The following RNFT2 variants were observed in gnomAD, a reference collection of about 807,000 sequenced individuals.
RNFT2 encodes E3 ubiquitin-protein ligase RNFT2.
A neutral mutation model predicts 53.0 loss-of-function variants in RNFT2; 36 were observed. The ratio of observed to expected loss-of-function variants is 0.68; its 90% CI spans 0.52 to 0.90. The LOEUF is 0.90. RNFT2 is among the 40% of genes least tolerant of loss of function. The pLI is 0.00. For synonymous variants in RNFT2, 260 were observed against 253.2 expected, an observed-to-expected ratio of 1.03 and a Z score of -0.26; for missense variants, 514 against 585.6, an observed-to-expected ratio of 0.88 and a Z score of 1.26.
intron 7 of RNFT2, among the ~76,000 whole-genome samples, chr12:116,814,678 ATTTTT>A (rs774723275): frequency 6.9e-6 from 1 of 145,634 alleles, no homozygotes; most frequent in Admixed American, 6.9e-5. Flanking sequence ...GCCGTATGAT[ATTTTT>A]TTTTTTTTCC....
intron 7 of RNFT2, among the ~76,000 whole-genome samples, chr12:116,814,541 G>C (rs768922492): frequency 1.3e-5 from 2 of 152,130 alleles, no homozygotes; most frequent in Non-Finnish European, 2.9e-5. Context: ...CCCTGAGGTG[G>C]AAACGTGCTT....
chr12:116,843,329 C>CA (rs1177718786), intron 10 of RNFT2, among the ~76,000 whole-genome samples: 2 of 151,674 alleles, frequency 1.3e-5, no homozygotes, highest in East Asian at 1.9e-4. Context: ...CCCAACTCTA[C>CA]AAAAAATACA....
chr12:116,839,091 C>G (rs980353791), intron 10 of RNFT2, among the ~76,000 whole-genome samples: 1 of 152,244 alleles, frequency 6.6e-6, no homozygotes, highest in Non-Finnish European at 1.5e-5. Flanking sequence ...CTTCTCCAGA[C>G]TAGTCACGTC....
chr12:116,797,270 A>G lies in RNFT2; in HGVS notation c.882+17922A>G, dbSNP rs1254910224. The stretch of plus-strand genomic sequence containing the variant: ...TTGGCTATATTTGGAAATAGGGTCT[A>G]TAAAGATGGCCAGGCTCTGTGGGTC... On this transcript the variant is annotated intron_variant, in intron 7 of 10. Transcript: ENST00000257575. Among the ~76,000 whole-genome samples, 3 of 152,178 alleles carry G rather than the reference A, an allele frequency of 2.0e-5. No individual in the cohort carries two copies. In the South Asian group the frequency reaches 6.2e-4, roughly 32 times the overall value.
chr12:116,738,509 A>T (rs559369679), intron 1 of RNFT2, 139 bp downstream of exon 1: 19 of 152,254 alleles, frequency 1.2e-4, no homozygotes, highest in African/African-American at 4.3e-4. Context: ...CCCGAAGTGC[A>T]CCTGCCGGCT....
intron 7 of RNFT2, among the ~76,000 whole-genome samples, chr12:116,797,797 A>G (rs1297880601): frequency 2.6e-5 from 4 of 152,238 alleles, no homozygotes; most frequent in South Asian, 4.1e-4. Context: ...TTTTGCAGCC[A>G]TATTTATACC....
chr12:116,823,449 C>T (rs926369891), intron 7 of RNFT2, among the ~76,000 whole-genome samples: 3 of 152,144 alleles, frequency 2.0e-5, no homozygotes, highest in African/African-American at 4.8e-5. Context: ...TTTAGGAGGC[C>T]GAAGTGTGTG....
chr12:116,842,564 ATTTATTTG>A (rs1592992606), intron 10 of RNFT2, among the ~76,000 whole-genome samples: 1 of 145,508 alleles, frequency 6.9e-6, no homozygotes. Flanking sequence ...TATTTTATTT[ATTTATTTG>A]TTTGTTTGTT....
intron 5 of RNFT2, among the ~76,000 whole-genome samples, chr12:116,763,797 G>C (rs962051665): frequency 2.0e-5 from 3 of 149,706 alleles, no homozygotes; most frequent in South Asian, 2.2e-4. Context: ...AAGGGGGCGG[G>C]GGGGGAAAGA....
chr12:116,827,231 AAAAG>A (rs542749710), intron 7 of RNFT2, among the ~76,000 whole-genome samples: 4,388 of 147,562 alleles, frequency 0.03, 66 homozygotes, highest in Non-Finnish European at 0.045. Flanking sequence ...AAAAAAAAAA[AAAAG>A]AAAGAAAGAA....
At chr12:116,770,547 T>C (rs74695944) in intron 6 of RNFT2, among the ~76,000 whole-genome samples, 2,397 of 152,228 alleles carry the variant, frequency 0.016, 79 homozygotes, top group African/African-American at 0.054. Context: ...AGTATGTATG[T>C]CTTTTTTCTT....
chr12:116,851,970 T>A lies in RNFT2; in HGVS notation c.*2522T>A. On this transcript the variant is annotated 3_prime_UTR_variant, in exon 11 of 11. Transcript: ENST00000257575. ...CCTTCAGAGCAAACAGGACAACCTA[T>A]GTTATGGATGTTTCCACCAACCAGG... The A allele has an allele frequency of 6.7e-7, 1 of 1,502,400 alleles. No individual in the cohort carries two copies. Among genetic ancestry groups the A allele is most frequent in the East Asian group, 2.5e-5 (1 of 40,792 alleles). The allele number at this position is 1,502,400 out of a possible 1,614,324, so 93.1% of individuals were successfully genotyped here.
chr12:116,778,543 C>G (rs919325360), intron 6 of RNFT2, among the ~76,000 whole-genome samples: 11 of 152,202 alleles, frequency 7.2e-5, no homozygotes, highest in Non-Finnish European at 1.5e-4. Flanking sequence ...CTGTAGAACC[C>G]TGGGCTAAAT....
intron 1 of RNFT2, chr12:116,738,738 C>T (rs1378989940): frequency 6.6e-6 from 1 of 152,132 alleles, no homozygotes; most frequent in African/African-American, 2.4e-5. Context: ...TTATGTACGG[C>T]CTGCTTCCGA....
rs778922397 is a variant in RNFT2 at position 116,750,161 on chromosome 12, G to A, written c.404G>A (p.Arg135Gln). 4.4e-6 allele frequency: 7 copies of A among 1,590,326 alleles called. No individual in the cohort carries two copies. The highest frequency in any genetic ancestry group is 1.7e-5 in the Admixed American group (1 of 57,946). ...SLLQHVGGDH[R>Q]GHSEEGGDEQ... ...CTGCAGCACGTGGGTGGGGACCACCGGGGGCACTCGGAGGAGGGAGGCGAC... is the reference window on the plus strand; with the variant it reads ...CTGCAGCACGTGGGTGGGGACCACCAGGGGCACTCGGAGGAGGGAGGCGAC... Residue 135 changes from arginine to glutamine, a missense_variant, in exon 4 of 11, where the codon CGG (arginine) becomes CAG (glutamine). Transcript: ENST00000257575.
intron 10 of RNFT2, 91 bp downstream of exon 10, chr12:116,836,373 G>A: frequency 9.4e-7 from 1 of 1,067,316 alleles, no homozygotes; most frequent in Non-Finnish European, 1.4e-6. Flanking sequence ...TCTGGCATGG[G>A]TCTCTGGGGG....
intron 7 of RNFT2, among the ~76,000 whole-genome samples, chr12:116,806,327 A>ATG (rs1875048344): frequency 6.6e-6 from 1 of 150,570 alleles, no homozygotes; most frequent in African/African-American, 2.5e-5. Context: ...CCCAGATGGC[A>ATG]CCACTGCATT....
intron 5 of RNFT2, among the ~76,000 whole-genome samples, chr12:116,758,701 G>A (rs141563907): frequency 0.011 from 1,746 of 152,310 alleles, 29 homozygotes; most frequent in African/African-American, 0.039. Context: ...ATCCCTTCTA[G>A]CTTGTAGGGT....
intron 3 of RNFT2, among the ~76,000 whole-genome samples, chr12:116,742,556 A>G (rs1397013491): frequency 6.6e-6 from 1 of 152,086 alleles, no homozygotes; most frequent in African/African-American, 2.4e-5. Context: ...TTATAAGCGC[A>G]AGCCACCACG....
Sources: allele counts gnomAD v4.1 joint callset (sites outside exome capture counted in the v4.1 genomes callset), GRCh38; gene constraint gnomAD v4.1.1; transcripts MANE v1.5; gene names NCBI Gene and HGNC (gene_info 2026-07-23, HGNC 2026-07-21).